The following MTHFD2L variants were observed in gnomAD, a reference collection of about 807,000 sequenced individuals.
MTHFD2L encodes bifunctional methylenetetrahydrofolate dehydrogenase/cyclohydrolase 2, mitochondrial.
A neutral mutation model predicts 34.9 loss-of-function variants in MTHFD2L; 29 were observed. The ratio of observed to expected loss-of-function variants is 0.83; its 90% confidence interval spans 0.62 to 1.13. The LOEUF (loss-of-function observed/expected upper bound fraction) is 1.13. MTHFD2L is among the 50% of genes most tolerant of loss of function. The pLI, the probability that MTHFD2L is intolerant of heterozygous loss-of-function variation, is 0.00. For missense variants in MTHFD2L, 481 were observed against 446.5 expected (o/e 1.08, Z -0.70); for synonymous variants, 167 against 155.7 (o/e 1.07, Z -0.54).
intron 5 of MTHFD2L, among the ~76,000 whole-genome samples, chr4:74,207,766 C>CTTTTTTTTTTTTTTTTTTTTTTTTTTT (rs768932793): frequency 7.8e-6 from 1 of 128,476 alleles, no homozygotes; most frequent in African/African-American, 3.1e-5. Flanking sequence ...TGAAAAAGAA[C>CTTTTTTTTTTTTTTTTTTTTTTTTTTT]TTTTTTTTTT....
intron 6 of MTHFD2L, among the ~76,000 whole-genome samples, chr4:74,253,626 A>G (rs1471461812): frequency 1.3e-5 from 2 of 152,074 alleles, no homozygotes; most frequent in East Asian, 3.9e-4. Context: ...GCCACCTCCC[A>G]CAAGCATCAG....
Position 74,185,163 on chromosome 4 carries a change from A to AAAAAAC in MTHFD2L, c.451+9765_451+9766insCAAAAA, listed in dbSNP as rs1203187127. On this transcript the variant is annotated intron_variant, in intron 3 of 7. Coordinates refer to ENST00000325278, the MANE Select transcript of MTHFD2L (RefSeq NM_001144978.3). ...CGAGACTCCATCTCAAAAAAAAAAA[A>AAAAAAC]AAAAAAAAAAAAAAAATCTGGAAAA... is the stretch of plus-strand genomic sequence containing the variant. 4.7e-5 allele frequency among the ~76,000 whole-genome samples: 7 copies of AAAAAAC among 150,492 alleles called. 1 individual carries two copies. Among genetic ancestry groups the AAAAAAC allele is most frequent in the African/African-American group, 1.7e-4 (7 of 40,908 alleles).
intron 3 of MTHFD2L, chr4:74,194,500 AGTT>A (rs1157783879): frequency 6.6e-6 from 1 of 151,988 alleles, no homozygotes; most frequent in Non-Finnish European, 1.5e-5. Context: ...TGAAGTTTGC[AGTT>A]GTTTTCTGTA....
intron 2 of MTHFD2L, 45 bp from the exon 3 acceptor site, chr4:74,175,236 A>G: frequency 1.3e-6 from 2 of 1,595,554 alleles, no homozygotes; most frequent in Non-Finnish European, 1.7e-6. Flanking sequence ...ATGAAAAACC[A>G]TATTCAGTTA....
intron 6 of MTHFD2L, among the ~76,000 whole-genome samples, chr4:74,231,265 CATT>C (rs1740006940): frequency 6.6e-6 from 1 of 152,166 alleles, no homozygotes; most frequent in Admixed American, 6.6e-5. Flanking sequence ...TCCCATCAAA[CATT>C]ATCCTAGGGC....
chr4:74,139,953 G>C (rs1282684837), intron 1 of MTHFD2L, among the ~76,000 whole-genome samples: 1 of 152,014 alleles, frequency 6.6e-6, no homozygotes, highest in Non-Finnish European at 1.5e-5. Flanking sequence ...TAATGTCTTT[G>C]AAGTTCAGTT....
intron 3 of MTHFD2L, among the ~76,000 whole-genome samples, chr4:74,193,482 G>A (rs1440635267): frequency 6.6e-6 from 1 of 152,160 alleles, no homozygotes; most frequent in East Asian, 1.9e-4. Flanking sequence ...AACGACATAG[G>A]ATTATGATTG....
intron 3 of MTHFD2L, among the ~76,000 whole-genome samples, chr4:74,190,906 T>C (rs1340886237): frequency 6.6e-6 from 1 of 152,148 alleles, no homozygotes; most frequent in Non-Finnish European, 1.5e-5. Flanking sequence ...TCATTTTTGT[T>C]TTTTGTTTTT....
chr4:74,200,274 T>C (rs973183530), intron 4 of MTHFD2L, among the ~76,000 whole-genome samples: 6 of 151,980 alleles, frequency 3.9e-5, no homozygotes, highest in African/African-American at 7.3e-5. Context: ...ATCATGCCAC[T>C]GCACTTCAGC....
chr4:74,168,371 T>G (rs1250133651), intron 1 of MTHFD2L, among the ~76,000 whole-genome samples: 1 of 152,202 alleles, frequency 6.6e-6, no homozygotes, highest in African/African-American at 2.4e-5. Flanking sequence ...TGGCCTAGAA[T>G]GCTTTTCTTC....
chr4:74,114,940 C>T lies in MTHFD2L; in HGVS notation c.-144+283C>T, dbSNP rs574134262. The stretch of plus-strand genomic sequence containing the variant: ...CTTGATAGATGAGGTAACTGGGACT[C>T]AGAGAAGTTGTGGAGCCAGGATTCT... On this transcript the variant is annotated intron_variant and NMD_transcript_variant, in intron 2 of 9. Transcript: ENST00000429519. Among the ~76,000 whole-genome samples the T allele has an allele frequency of 3.3e-5, 5 of 152,274 alleles. No individual in the cohort carries two copies. The South Asian group carries it at 1.0e-3, about 32-fold the overall frequency.
chr4:74,296,957 G>A (rs912402864), intron 7 of MTHFD2L, among the ~76,000 whole-genome samples: 7 of 151,952 alleles, frequency 4.6e-5, no homozygotes, highest in African/African-American at 1.5e-4. Flanking sequence ...TGAGAGAAGG[G>A]CACGTTAGAC....
intron 1 of MTHFD2L, among the ~76,000 whole-genome samples, chr4:74,168,906 G>T (rs1262903137): frequency 6.6e-6 from 1 of 152,188 alleles, no homozygotes; most frequent in Admixed American, 6.5e-5. Flanking sequence ...ATTTGTTTAT[G>T]CACTAAAGTA....
chr4:74,229,710 TA>T (rs1739716359), intron 6 of MTHFD2L, among the ~76,000 whole-genome samples: 1 of 152,144 alleles, frequency 6.6e-6, no homozygotes, highest in South Asian at 2.1e-4. Context: ...CTCACCTTTT[TA>T]AAATTGCCCC....
chr4:74,278,797 A>C (rs1045506118), intron 6 of MTHFD2L, among the ~76,000 whole-genome samples: 1 of 152,140 alleles, frequency 6.6e-6, no homozygotes, highest in Non-Finnish European at 1.5e-5. Context: ...AAGCAGAAAA[A>C]AGGTGAAAAT....
chr4:74,239,347 G>A (rs1301005521), intron 6 of MTHFD2L, among the ~76,000 whole-genome samples: 1 of 152,068 alleles, frequency 6.6e-6, no homozygotes, highest in Non-Finnish European at 1.5e-5. Context: ...GTTTGGGGGG[G>A]CAGAGGGAGA....
intron 3 of MTHFD2L, among the ~76,000 whole-genome samples, chr4:74,176,304 T>C (rs1039157684): frequency 2.6e-5 from 4 of 152,092 alleles, no homozygotes; most frequent in Non-Finnish European, 5.9e-5. Context: ...GACTTTGTTT[T>C]TTATGTTTAT....
intron 3 of MTHFD2L, among the ~76,000 whole-genome samples, chr4:74,191,447 A>G (rs1405075367): frequency 6.6e-6 from 1 of 151,942 alleles, no homozygotes; most frequent in Non-Finnish European, 1.5e-5. Flanking sequence ...ATGTTGGAGG[A>G]TGTAATAGTA....
At chr4:74,249,526 ATGT>A (rs1340385710) in intron 6 of MTHFD2L, among the ~76,000 whole-genome samples, 1 of 151,448 alleles carries the variant, frequency 6.6e-6, no homozygotes, top group African/African-American at 2.4e-5. Context: ...TGTCATTATG[ATGT>A]TAGCTGGTTA....
Sources: allele counts gnomAD v4.1 joint callset (sites outside exome capture counted in the v4.1 genomes callset), GRCh38; gene constraint gnomAD v4.1.1; transcripts MANE v1.5; gene names NCBI Gene and HGNC (gene_info 2026-07-23, HGNC 2026-07-21).